NME7: variants seen among roughly 807,000 people sequenced by gnomAD.
NME7 encodes NME/NM23 family member 7, also known as nucleoside diphosphate kinase 7.
A neutral mutation model predicts 49.1 loss-of-function variants in NME7; 41 were observed. The ratio of observed to expected loss-of-function variants is 0.83; its 90% CI spans 0.65 to 1.08. The LOEUF is 1.08. NME7 is among the 50% of genes least tolerant of loss of function. The pLI is 0.00. For synonymous variants in NME7, 139 were observed against 150.6 expected, an observed-to-expected ratio of 0.92 and a Z score of 0.56; for missense variants, 423 against 463.4, an observed-to-expected ratio of 0.91 and a Z score of 0.80.
chr1:169,210,992 T>C (rs913984382), intron 10 of NME7, among the ~76,000 whole-genome samples: 2 of 46,148 alleles, frequency 4.3e-5, no homozygotes, highest in Admixed American at 2.2e-4. Context: ...TCATAAGCTC[T>C]TTTTTTTTTT....
chr1:169,272,905 T>C (rs1489616041), intron 7 of NME7, among the ~76,000 whole-genome samples: 1 of 133,390 alleles, frequency 7.5e-6, no homozygotes, highest in African/African-American at 2.5e-5. Flanking sequence ...AATTTTACTC[T>C]CCCAGTAACA....
chr1:169,178,820 CTTTT>C (rs57619644), intron 10 of NME7, among the ~76,000 whole-genome samples: 4 of 124,328 alleles, frequency 3.2e-5, no homozygotes, highest in Non-Finnish European at 3.3e-5. Context: ...GAAACCTCTT[CTTTT>C]TTTTTTTTTT....
chr1:169,203,032 A>C (rs1173914665), intron 10 of NME7, among the ~76,000 whole-genome samples: 1 of 152,154 alleles, frequency 6.6e-6, no homozygotes, highest in East Asian at 1.9e-4. Context: ...CTGCAGGCAC[A>C]GGTAAGGGAA....
intron 3 of NME7, among the ~76,000 whole-genome samples, chr1:169,311,664 T>A (rs191631493): frequency 6.6e-6 from 1 of 152,174 alleles, no homozygotes; most frequent in Non-Finnish European, 1.5e-5. Context: ...AATATTTTAA[T>A]CCAGACTAAC....
At chr1:169,330,100 T>C (rs1228296844) in intron 1 of NME7, among the ~76,000 whole-genome samples, 1 of 151,734 alleles carries the variant, frequency 6.6e-6, no homozygotes, top group East Asian at 1.9e-4. Context: ...AGTTAAAATA[T>C]CCTTCAAACA....
At chr1:169,279,509 C>G (rs1649909156) in intron 7 of NME7, among the ~76,000 whole-genome samples, 1 of 152,340 alleles carries the variant, frequency 6.6e-6, no homozygotes, top group East Asian at 1.9e-4. Flanking sequence ...GGGATATGAC[C>G]TTCTGGTGCG....
At chr1:169,249,591 C>G (rs1462925202) in intron 7 of NME7, among the ~76,000 whole-genome samples, 1 of 152,050 alleles carries the variant, frequency 6.6e-6, no homozygotes, top group Non-Finnish European at 1.5e-5. Flanking sequence ...AACTTTTCCC[C>G]ATTTATTATG....
chr1:169,240,860 T>C (rs1648060683), intron 7 of NME7, among the ~76,000 whole-genome samples: 2 of 152,226 alleles, frequency 1.3e-5, no homozygotes, highest in South Asian at 2.1e-4. Flanking sequence ...CTAAGTTTAG[T>C]TTTCCTTTGT....
chr1:169,214,023 T>C (rs1224716514), intron 10 of NME7, among the ~76,000 whole-genome samples: 1 of 152,154 alleles, frequency 6.6e-6, no homozygotes, highest in Non-Finnish European at 1.5e-5. Context: ...AGCATATCTT[T>C]TGAAGATCTA....
chr1:169,274,138 A>T (rs1649605684), intron 7 of NME7, among the ~76,000 whole-genome samples: 1 of 131,156 alleles, frequency 7.6e-6, no homozygotes, highest in African/African-American at 2.6e-5. Context: ...TTGTATCCTG[A>T]CTTTTTAATG....
At chr1:169,323,332 TAAGGA>T in intron 2 of NME7, 49 bp from the exon 3 acceptor site, 1 of 1,394,306 alleles carries the variant, frequency 7.2e-7, no homozygotes, top group Non-Finnish European at 9.5e-7. Flanking sequence ...AAGTTATGAA[TAAGGA>T]AAGTTAATCT....
At chr1:169,200,250 G>T (rs537424869) in intron 10 of NME7, among the ~76,000 whole-genome samples, 1 of 152,094 alleles carries the variant, frequency 6.6e-6, no homozygotes, top group African/African-American at 2.4e-5. Flanking sequence ...AAACATCCGG[G>T]AGGGCTTTAC....
chr1:169,303,241 A>G (rs1472413445), intron 4 of NME7, 46 bp from the exon 5 acceptor site: 1 of 1,016,270 alleles, frequency 9.8e-7, no homozygotes, highest in East Asian at 2.9e-5. Context: ...ATAAAATTAA[A>G]CACTTATTAT....
intron 10 of NME7, among the ~76,000 whole-genome samples, chr1:169,203,665 TG>T (rs1557986289): frequency 6.6e-6 from 1 of 152,124 alleles, no homozygotes; most frequent in Non-Finnish European, 1.5e-5. Context: ...GGAATGCTGG[TG>T]GGTTGCCCTG....
chr1:169,241,198 A>C (rs1201372292), intron 7 of NME7, among the ~76,000 whole-genome samples: 1 of 152,058 alleles, frequency 6.6e-6, no homozygotes, highest in Non-Finnish European at 1.5e-5. Context: ...AAAGTAATAA[A>C]ATTATTTTTA....
chr1:169,287,193 A>T, intron 7 of NME7, 110 bp downstream of exon 7: 1 of 936,918 alleles, frequency 1.1e-6, no homozygotes, highest in African/African-American at 1.7e-5. Context: ...CAAAGAAAAA[A>T]AATGGAAATA....
At chr1:169,358,187 A>G (rs373326711) in intron 1 of NME7, among the ~76,000 whole-genome samples, 42 of 152,240 alleles carry the variant, frequency 2.8e-4, no homozygotes, top group African/African-American at 9.6e-4. Flanking sequence ...ATTTTCCTCA[A>G]CTATCTTCTC....
At chr1:169,318,325 T>C (rs1651729823) in intron 3 of NME7, among the ~76,000 whole-genome samples, 1 of 152,264 alleles carries the variant, frequency 6.6e-6, no homozygotes, top group African/African-American at 2.4e-5. Context: ...AGTTAGTAAT[T>C]TGGAGGGAAG....
chr1:169,155,473 A>C (rs1659041168), intron 11 of NME7, among the ~76,000 whole-genome samples: 2 of 152,240 alleles, frequency 1.3e-5, no homozygotes, highest in Non-Finnish European at 2.9e-5. Context: ...TTATTGTTTT[A>C]AAATGATCTA....
Sources: allele counts gnomAD v4.1 joint callset (sites outside exome capture counted in the v4.1 genomes callset), GRCh38; gene constraint gnomAD v4.1.1; transcripts MANE v1.5; gene names NCBI Gene and HGNC (gene_info 2026-07-23, HGNC 2026-07-21).